The following CNTNAP2 variants were observed in gnomAD, a reference collection of about 807,000 sequenced individuals.
The protein encoded by CNTNAP2 is contactin-associated protein-like 2.
Under a neutral mutation model 155.2 loss-of-function variants are expected in CNTNAP2, and 98 were observed. The observed-to-expected ratio is 0.63, with a 90% CI of 0.54 to 0.75. CNTNAP2 has a LOEUF of 0.75. Among genes scored for constraint, CNTNAP2 ranks in the 30% least tolerant of loss-of-function variants. The pLI, the probability that CNTNAP2 is intolerant of heterozygous loss-of-function variation, is 0.00. For missense variants in CNTNAP2, 1,727 were observed against 1,688.1 expected (o/e 1.02, Z -0.40); for synonymous variants, 651 against 631.2 (o/e 1.03, Z -0.47).
At chr7:146,578,752 A>G (rs1798563540) in intron 1 of CNTNAP2, among the ~76,000 whole-genome samples, 2 of 152,192 alleles carry the variant, frequency 1.3e-5, no homozygotes, top group African/African-American at 4.8e-5. Context: ...AAGCTCCAGG[A>G]TATGAACTTC....
intron 21 of CNTNAP2, among the ~76,000 whole-genome samples, chr7:148,268,504 A>G (rs1361106150): frequency 6.6e-6 from 1 of 151,988 alleles, no homozygotes; most frequent in African/African-American, 2.4e-5. Context: ...AATTTAAAAA[A>G]ATTAGACGGG....
Position 146,411,979 on chromosome 7 carries a change from G to A in CNTNAP2, c.97+295006G>A, listed in dbSNP as rs140023221. 1.4e-3 allele frequency among the ~76,000 whole-genome samples: 219 copies of A among 152,048 alleles called. 1 individual carries two copies. Among genetic ancestry groups the A allele is most frequent in the African/African-American group, 4.9e-3 (205 of 41,476 alleles). On this transcript the variant is annotated intron_variant, in intron 1 of 23. Coordinates refer to ENST00000361727, the MANE Select transcript of CNTNAP2 (RefSeq NM_014141.6). Reference sequence around the variant, plus strand: ...AACCTCCCGAGTAGCTGGGATTAGAGGCATGCATTACCACACCCTGCTACT... The same window carrying A: ...AACCTCCCGAGTAGCTGGGATTAGAAGCATGCATTACCACACCCTGCTACT...
intron 1 of CNTNAP2, among the ~76,000 whole-genome samples, chr7:146,635,467 C>T (rs1259817440): frequency 6.6e-6 from 1 of 152,126 alleles, no homozygotes; most frequent in Admixed American, 6.5e-5. Flanking sequence ...ACAGCGATGA[C>T]ACATCGTAGA....
chr7:147,920,230 C>T (rs189333389), intron 14 of CNTNAP2, among the ~76,000 whole-genome samples: 3 of 151,880 alleles, frequency 2.0e-5, no homozygotes, highest in East Asian at 2.0e-4. Context: ...GTGGCACATG[C>T]CTGTAATCCC....
intron 3 of CNTNAP2, among the ~76,000 whole-genome samples, chr7:146,906,254 T>G (rs1184528611): frequency 6.6e-6 from 1 of 152,164 alleles, no homozygotes; most frequent in Admixed American, 6.5e-5. Flanking sequence ...CAGGCTTGCT[T>G]AGGTAAACAA....
intron 8 of CNTNAP2, among the ~76,000 whole-genome samples, chr7:147,141,466 CATA>C (rs753079245): frequency 7.6e-4 from 116 of 152,144 alleles, no homozygotes; most frequent in Non-Finnish European, 1.2e-3. Flanking sequence ...TTGAAACAAA[CATA>C]ATGTACACAA....
chr7:148,327,092 C>T (rs1257970090), intron 21 of CNTNAP2, among the ~76,000 whole-genome samples: 2 of 152,136 alleles, frequency 1.3e-5, no homozygotes, highest in Non-Finnish European at 2.9e-5. Flanking sequence ...TGCATCCCAA[C>T]CACCTAGCAG....
At chr7:147,133,710 G>A (rs1801422716) in intron 8 of CNTNAP2, among the ~76,000 whole-genome samples, 1 of 151,988 alleles carries the variant, frequency 6.6e-6, no homozygotes. Context: ...TTGTAAAATA[G>A]GCTTTATGTT....
intron 1 of CNTNAP2, among the ~76,000 whole-genome samples, chr7:146,491,158 G>A (rs1797133736): frequency 1.3e-5 from 2 of 152,056 alleles, no homozygotes; most frequent in South Asian, 4.1e-4. Context: ...GCTGTTATAT[G>A]AAAATAAAGT....
intron 10 of CNTNAP2, among the ~76,000 whole-genome samples, chr7:147,475,301 T>C (rs1563219062): frequency 6.6e-6 from 1 of 152,182 alleles, no homozygotes; most frequent in Admixed American, 6.5e-5. Context: ...TAATAGACTT[T>C]ATCAAATTGT....
intron 8 of CNTNAP2, among the ~76,000 whole-genome samples, chr7:147,222,264 T>G (rs867513798): frequency 7.7e-5 from 11 of 142,194 alleles, no homozygotes; most frequent in South Asian, 2.1e-4. Flanking sequence ...TCTGTTATAG[T>G]TTTTTTTTTC....
intron 10 of CNTNAP2, 60 bp from the exon 11 acceptor site, chr7:147,485,874 TG>T: frequency 6.6e-7 from 1 of 1,520,048 alleles, no homozygotes; most frequent in Admixed American, 1.7e-5. Context: ...GCTTGGAATT[TG>T]GCCACTCATA....
intron 19 of CNTNAP2, among the ~76,000 whole-genome samples, chr7:148,219,737 G>A (rs897032400): frequency 2.0e-5 from 3 of 152,264 alleles, no homozygotes; most frequent in Admixed American, 1.3e-4. Flanking sequence ...AGAAGGCTGA[G>A]GGGGGAGGAT....
At chr7:146,419,373 G>T (rs1164133592) in intron 1 of CNTNAP2, among the ~76,000 whole-genome samples, 2 of 151,984 alleles carry the variant, frequency 1.3e-5, no homozygotes, top group Non-Finnish European at 2.9e-5. Flanking sequence ...GATGAGATTT[G>T]GGTGGGGACA....
At chr7:147,782,103 T>C (rs1797669980) in intron 13 of CNTNAP2, among the ~76,000 whole-genome samples, 1 of 152,172 alleles carries the variant, frequency 6.6e-6, no homozygotes, top group African/African-American at 2.4e-5. Flanking sequence ...ATGTTGATTT[T>C]GTTCCAGTGC....
At chr7:146,606,378 C>T (rs956609893) in intron 1 of CNTNAP2, among the ~76,000 whole-genome samples, 3 of 152,134 alleles carry the variant, frequency 2.0e-5, no homozygotes, top group Admixed American at 1.3e-4. Flanking sequence ...AATTTTACTA[C>T]ATTGAAGGAA....
chr7:146,929,939 T>A (rs1436530683), intron 3 of CNTNAP2, among the ~76,000 whole-genome samples: 1 of 152,034 alleles, frequency 6.6e-6, no homozygotes, highest in Admixed American at 6.6e-5. Flanking sequence ...TGGGACTATG[T>A]GAAAAGACCA....
chr7:146,167,115 G>A (rs1011493014), intron 1 of CNTNAP2, among the ~76,000 whole-genome samples: 1 of 152,198 alleles, frequency 6.6e-6, no homozygotes, highest in East Asian at 1.9e-4. Flanking sequence ...AAAGAACTTT[G>A]TAGAAGTCTT....
intron 1 of CNTNAP2, among the ~76,000 whole-genome samples, chr7:146,224,431 T>A (rs201323315): frequency 4.2e-5 from 6 of 143,258 alleles, no homozygotes; most frequent in Non-Finnish European, 6.1e-5. Context: ...CACAGTGGTT[T>A]AAAAAAAAAA....
Sources: allele counts gnomAD v4.1 joint callset (sites outside exome capture counted in the v4.1 genomes callset), GRCh38; gene constraint gnomAD v4.1.1; transcripts MANE v1.5; gene names NCBI Gene and HGNC (gene_info 2026-07-23, HGNC 2026-07-21).